Variants in NR1D2 observed in about 807,000 individuals in gnomAD.
NR1D2 encodes the protein nuclear receptor subfamily 1 group D member 2, also known as V-erbA-related protein 1-related.
Under a neutral mutation model 52.2 loss-of-function variants are expected in NR1D2, and 25 were observed. The ratio of observed to expected loss-of-function variants is 0.48; its 90% confidence interval spans 0.35 to 0.67. The LOEUF is 0.67. Ranked by LOEUF, NR1D2 falls within the 30% of genes least tolerant of loss-of-function variation. The pLI is 0.01. For synonymous variants in NR1D2, 259 were observed against 230.1 expected, an observed-to-expected ratio of 1.13 and a Z score of -1.14; for missense variants, 681 against 707.2, an observed-to-expected ratio of 0.96 and a Z score of 0.42.
chr3:23,958,867 TG>T (rs1234791724), intron 3 of NR1D2, among the ~76,000 whole-genome samples: 1 of 152,080 alleles, frequency 6.6e-6, no homozygotes, highest in African/African-American at 2.4e-5. Context: ...GAGAATCCCT[TG>T]AATCTGGGAG....
intron 4 of NR1D2, among the ~76,000 whole-genome samples, chr3:23,960,572 TC>T (rs1341958639): frequency 6.6e-6 from 1 of 152,164 alleles, no homozygotes; most frequent in Non-Finnish European, 1.5e-5. Context: ...CCTCAAGTGA[TC>T]CACCTGCCTC....
rs764719700 is a variant in NR1D2, at chr3:23,977,401, C to T, written c.1722C>T (p.Ala574=). The part of the protein sequence containing the change: ...LNNMHSEELL[A]FKVHP ...ACATGCACTCTGAGGAGCTCTTGGC[C>T]TTTAAAGTTCACCCTTAAGGCCTTT... is the stretch of plus-strand genomic sequence containing the variant. Residue 574 remains alanine (A), a synonymous_variant, in exon 8 of 8, where the codon GCC becomes GCT. Coordinates refer to ENST00000312521, the MANE Select transcript of NR1D2 (RefSeq NM_005126.5). The T allele has an allele frequency of 6.3e-6, 10 of 1,599,926 alleles. No homozygotes were observed. The South Asian group carries it at 6.7e-5, about 11-fold the overall frequency.
chr3:23,963,893 C>T (rs2125292265), intron 5 of NR1D2, among the ~76,000 whole-genome samples: 1 of 149,588 alleles, frequency 6.7e-6, no homozygotes, highest in South Asian at 2.1e-4. Flanking sequence ...ATAGAATATA[C>T]AGGTGTGTTT....
chr3:23,973,437 T>G (rs564113450), intron 7 of NR1D2, among the ~76,000 whole-genome samples: 2 of 152,292 alleles, frequency 1.3e-5, no homozygotes, highest in South Asian at 2.1e-4. Context: ...TATTTGTGTA[T>G]CTAAACATAT....
At chr3:23,958,642 TAAAAAAAAA>T (rs35959367) in intron 3 of NR1D2, among the ~76,000 whole-genome samples, 1 of 98,100 alleles carries the variant, frequency 1.0e-5, no homozygotes, top group Admixed American at 1.2e-4. Flanking sequence ...CCTGTCTCTT[TAAAAAAAAA>T]AAAAAAAAAA....
At chr3:23,961,389 C>CTTTTTTTTTTTTT (rs869108010) in intron 4 of NR1D2, among the ~76,000 whole-genome samples, 5 of 76,014 alleles carry the variant, frequency 6.6e-5, no homozygotes, top group Admixed American at 1.7e-4. Flanking sequence ...CTTTTTCTTT[C>CTTTTTTTTTTTTT]TTTTTTTTTT....
rs567426732 is a variant in NR1D2, at chr3:23,978,731, C to A, written c.*1312C>A. On this transcript the variant is annotated 3_prime_UTR_variant, in exon 8 of 8. Transcript: ENST00000312521. ...GTGCGTGCGTGTGTATGTTCTGAGT[C>A]CACTTCTTTTTTCCTAAATAACACT... is the stretch of plus-strand genomic sequence containing the variant. 4.0e-5 allele frequency: 6 copies of A among 151,808 alleles called. No individual in the cohort carries two copies. Among genetic ancestry groups the A allele is most frequent in the Non-Finnish European group, 8.8e-5 (6 of 67,908 alleles). 9.4% of individuals were successfully genotyped at this position (151,808 alleles called of 1,614,324 possible).
At chr3:23,946,587 G>A (rs1399455531) in intron 1 of NR1D2, 2 of 152,256 alleles carry the variant, frequency 1.3e-5, no homozygotes, top group Non-Finnish European at 2.9e-5. Flanking sequence ...TCGGGCTGGA[G>A]TTTTCCAGTA....
chr3:23,950,683 T>G (rs1438089294), intron 1 of NR1D2, among the ~76,000 whole-genome samples: 4 of 152,222 alleles, frequency 2.6e-5, no homozygotes, highest in African/African-American at 9.6e-5. Flanking sequence ...GATTTTCTGG[T>G]GCCTGGCACA....
intron 4 of NR1D2, among the ~76,000 whole-genome samples, chr3:23,960,084 A>AT (rs1021897170): frequency 3.4e-4 from 52 of 151,850 alleles, no homozygotes; most frequent in Non-Finnish European, 4.6e-4. Context: ...ATTACTTTTT[A>AT]TTTTTTCCTA....
intron 7 of NR1D2, among the ~76,000 whole-genome samples, chr3:23,970,130 T>A (rs1706547872): frequency 6.6e-6 from 1 of 152,236 alleles, no homozygotes; most frequent in Admixed American, 6.5e-5. Context: ...ATGTTTAACA[T>A]TAATTCTGCA....
intron 7 of NR1D2, among the ~76,000 whole-genome samples, chr3:23,975,853 G>A (rs1450809285): frequency 6.6e-6 from 1 of 152,046 alleles, no homozygotes; most frequent in Non-Finnish European, 1.5e-5. Context: ...TTTAGTCCTT[G>A]TTTTAAGTGC....
chr3:23,946,920 T>A (rs1284549403), intron 1 of NR1D2, among the ~76,000 whole-genome samples: 1 of 152,222 alleles, frequency 6.6e-6, no homozygotes, highest in Admixed American at 6.5e-5. Flanking sequence ...TGAGTTGCAA[T>A]GCGCCTCTAA....
At chr3:23,962,852 T>G (rs1443399626) in intron 5 of NR1D2, among the ~76,000 whole-genome samples, 1 of 152,214 alleles carries the variant, frequency 6.6e-6, no homozygotes, top group Non-Finnish European at 1.5e-5. Flanking sequence ...TAGGATTTTA[T>G]GTAAAATATG....
At chr3:23,957,249 C>T (rs201754383) in intron 3 of NR1D2, among the ~76,000 whole-genome samples, 15 of 151,824 alleles carry the variant, frequency 9.9e-5, no homozygotes, top group East Asian at 2.0e-4. Flanking sequence ...TCGCAAAGTG[C>T]TGGGATTACA....
At chr3:23,973,887 A>G (rs1199482070) in intron 7 of NR1D2, among the ~76,000 whole-genome samples, 2 of 152,002 alleles carry the variant, frequency 1.3e-5, no homozygotes, top group Non-Finnish European at 2.9e-5. Context: ...TGACAGACAC[A>G]TACATTAGCT....
At chr3:23,975,371 G>T (rs1432303211) in intron 7 of NR1D2, among the ~76,000 whole-genome samples, 3 of 150,418 alleles carry the variant, frequency 2.0e-5, no homozygotes, top group South Asian at 4.2e-4. Flanking sequence ...CAATCCTCCT[G>T]CCTCGGCCTT....
intron 3 of NR1D2, among the ~76,000 whole-genome samples, chr3:23,957,504 C>G (rs1213381233): frequency 7.0e-6 from 1 of 142,188 alleles, no homozygotes. Flanking sequence ...ATCACGAGGT[C>G]AGGAGATCGA....
At position 23,977,412 on chromosome 3, in the gene NR1D2, A is replaced by AC. The variant is rs1168684594; in HGVS notation, c.1736dup (p.Ter580LeufsTer7). The stretch of plus-strand genomic sequence containing the variant: ...GAGGAGCTCTTGGCCTTTAAAGTTC[A>AC]CCCTTAAGGCCTTTGTTTATTTAAA... On this transcript the variant is annotated frameshift_variant, in exon 8 of 8. Coordinates refer to ENST00000312521, the MANE Select transcript of NR1D2 (RefSeq NM_005126.5). LOFTEE classifies it high-confidence loss of function. 6.3e-7 allele frequency: 1 copy of AC among 1,593,732 alleles called. No homozygotes were observed. Among genetic ancestry groups the AC allele is most frequent in the African/African-American group, 1.4e-5 (1 of 73,508 alleles).
Sources: gnomAD v4.1 joint callset for allele counts (sites outside exome capture counted in the v4.1 genomes callset) on GRCh38, gnomAD v4.1.1 for gene constraint, MANE v1.5 for transcripts, NCBI Gene and HGNC (gene_info 2026-07-23, HGNC 2026-07-21) for gene names.